The following SGTA variants were observed in gnomAD, a reference collection of about 807,000 sequenced individuals.
SGTA encodes small glutamine-rich tetratricopeptide repeat-containing protein alpha.
SGTA carries 22 observed loss-of-function variants against 44.3 expected under a neutral mutation model. The observed-to-expected ratio is 0.50, with a 90% CI of 0.36 to 0.71. The LOEUF is 0.71. SGTA is among the 30% of genes least tolerant of loss of function. The pLI is 0.00. For synonymous variants in SGTA, 174 were observed against 177.6 expected, an observed-to-expected ratio of 0.98 and a Z score of 0.16; for missense variants, 341 against 435.9, an observed-to-expected ratio of 0.78 and a Z score of 1.94.
Position 2,761,499 on chromosome 19 carries a change from G to A in SGTA, c.660C>T (p.Asp220=), listed in dbSNP as rs1394792567. 37 of 1,551,560 alleles carry A rather than the reference G, an allele frequency of 2.4e-5. No individual in the cohort carries two copies. Among genetic ancestry groups the A allele is most frequent in the Non-Finnish European group, 3.1e-5 (35 of 1,146,916 alleles). ...PSPTGGVGSF[D]IAGLLNNPGF... ...CAGGGTTGTTCAGCAGGCCGGCGAT[G>A]TCGAAGCTGCCCACGCCTCCCGTCT... The change falls in exon 8 of 12, where the codon GAC becomes GAT. Residue 220 remains aspartate (D), a synonymous_variant. Transcript: ENST00000221566. This position sits in a 1 kb window ranked among gnomAD's most constrained non-coding sequence, Gnocchi z 5.7.
intron 7 of SGTA, among the ~76,000 whole-genome samples, chr19:2,762,063 AAACT>A (rs1027446082): frequency 2.6e-5 from 4 of 152,190 alleles, no homozygotes; most frequent in South Asian, 2.1e-4. Context: ...AAATACAAAC[AAACT>A]AACCCAGAAC....
intron 4 of SGTA, among the ~76,000 whole-genome samples, chr19:2,766,472 G>A (rs960715929): frequency 8.0e-5 from 12 of 150,154 alleles, no homozygotes; most frequent in Non-Finnish European, 4.4e-5. Context: ...CACTCTTATC[G>A]CCCAGGCTGG....
rs1344051866 is a variant in SGTA, at chr19:2,761,004, C to T, written c.699+456G>A. ...CCGTCCCTTTGGAAGCATGAGTGCC[C>T]GGGCATCGGGAGGTCCACCTGCGCC... is the stretch of plus-strand genomic sequence containing the variant. On this transcript the variant is annotated intron_variant, in intron 8 of 11. Coordinates refer to ENST00000221566, the MANE Select transcript of SGTA (RefSeq NM_003021.4). This position sits in a 1 kb window ranked among gnomAD's most constrained non-coding sequence, Gnocchi z 5.7. 1.3e-5 allele frequency among the ~76,000 whole-genome samples: 2 copies of T among 152,222 alleles called. No homozygotes were observed. Among genetic ancestry groups the T allele is most frequent in the East Asian group, 1.9e-4 (1 of 5,196 alleles).
At position 2,765,046 on chromosome 19, in the gene SGTA, GCTCCTGGTCTGAGA is replaced by G. The variant is rs1555712624; in HGVS notation, c.392+126_392+139del. On this transcript the variant is annotated intron_variant, in intron 5 of 11. Transcript: ENST00000221566. This position sits in a 1 kb window ranked among gnomAD's most constrained non-coding sequence, Gnocchi z 5.5. ...CCCCGTTGCTGGTCACCTGATGCTC[GCTCCTGGTCTGAGA>G]CCACCGGTGAATGGATCCCTCATCT... 2 of 628,168 alleles carry G rather than the reference GCTCCTGGTCTGAGA, an allele frequency of 3.2e-6. No homozygotes were observed. Among genetic ancestry groups the G allele is most frequent in the Non-Finnish European group, 5.7e-6 (2 of 352,460 alleles). The allele number at this position is 628,168 out of a possible 1,614,324, so 38.9% of individuals were successfully genotyped here.
chr19:2,765,832 A>G lies in SGTA; in HGVS notation c.293-547T>C, dbSNP rs886631923. Among the ~76,000 whole-genome samples the G allele has an allele frequency of 3.3e-5, 5 of 151,698 alleles. No individual in the cohort carries two copies. The highest frequency in any genetic ancestry group is 1.2e-4 in the African/African-American group (5 of 41,156). On this transcript the variant is annotated intron_variant, in intron 4 of 11. Coordinates refer to ENST00000221566, the MANE Select transcript of SGTA (RefSeq NM_003021.4). This position sits in a 1 kb window ranked among gnomAD's most constrained non-coding sequence, Gnocchi z 5.5. Reference sequence around the variant, plus strand: ...ACCCACTCCCGCCCCCGAGATCCCAATTCAGGAGGGCGTGGGGGGAAGATG... The same window carrying G: ...ACCCACTCCCGCCCCCGAGATCCCAGTTCAGGAGGGCGTGGGGGGAAGATG...
chr19:2,757,283 C>CA, intron 11 of SGTA, 54 bp downstream of exon 11: 1 of 1,579,440 alleles, frequency 6.3e-7, no homozygotes, highest in South Asian at 1.1e-5. Context: ...GCCAGGCACT[C>CA]ACGTGGTGTC....
At position 2,767,084 on chromosome 19, in the gene SGTA, C is replaced by G. The variant is rs1424057144; in HGVS notation, c.292+52G>C. The stretch of plus-strand genomic sequence containing the variant: ...CTGGCCTCTGCGAGGGTCCCACAGC[C>G]CCGGAGTCCAGGTAGGGCGAGGTGT... On this transcript the variant is annotated intron_variant, in intron 4 of 11. Coordinates refer to ENST00000221566, the MANE Select transcript of SGTA (RefSeq NM_003021.4). This position sits in a 1 kb window ranked among gnomAD's most constrained non-coding sequence, Gnocchi z 7.3. The G allele has an allele frequency of 5.1e-6, 7 of 1,383,802 alleles. No homozygotes were observed. The highest frequency in any genetic ancestry group is 6.1e-6 in the Non-Finnish European group (6 of 987,832). The allele number at this position is 1,383,802 out of a possible 1,614,324, so 85.7% of individuals were successfully genotyped here. A position where few individuals can be genotyped will look rare whatever the true frequency, so the allele number is the denominator to read the frequency against.
In SGTA at chr19:2,757,488, G is replaced by A. The variant is rs373615523; in HGVS notation, c.828-31C>T. 4 of 1,600,442 alleles carry A rather than the reference G, an allele frequency of 2.5e-6. No homozygotes were observed. In the African/African-American group the frequency reaches 5.3e-5, roughly 21 times the overall value. The stretch of plus-strand genomic sequence containing the variant: ...GGGAAGGGCACATGGGGCTCAGCCA[G>A]GGCCAGGAGGCTGCCTGCTGCCTCC... On this transcript the variant is annotated intron_variant, in intron 10 of 11. Transcript: ENST00000221566.
chr19:2,765,595 A>T lies in SGTA; in HGVS notation c.293-310T>A, dbSNP rs559513266. Among the ~76,000 whole-genome samples the T allele has an allele frequency of 6.6e-6, 1 of 152,062 alleles. No homozygotes were observed. Among genetic ancestry groups the T allele is most frequent in the Admixed American group, 6.5e-5 (1 of 15,284 alleles). ...TGGATGGCGACCCCGGGAGCAGAAC[A>T]GTTAATACAGCTCACCGGCCCGGGG... is the stretch of plus-strand genomic sequence containing the variant. On this transcript the variant is annotated intron_variant, in intron 4 of 11. Transcript: ENST00000221566. The surrounding 1 kb of genome is among the most constrained non-coding windows in gnomAD (Gnocchi z 5.5).
intron 9 of SGTA, among the ~76,000 whole-genome samples, chr19:2,758,974 A>C (rs530323032): frequency 4.6e-5 from 7 of 151,604 alleles, no homozygotes; most frequent in African/African-American, 1.5e-4. Flanking sequence ...TTGTCAGGGG[A>C]TAGGAGAGGG....
In SGTA at chr19:2,761,473, CCA is replaced by C; in HGVS notation, c.684_685del (p.Gly229LeufsTer145). 1 of 1,551,636 alleles carries C rather than the reference CCA, an allele frequency of 6.4e-7. No individual in the cohort carries two copies. The highest frequency in any genetic ancestry group is 8.7e-7 in the Non-Finnish European group (1 of 1,146,946). On this transcript the variant is annotated frameshift_variant, in exon 8 of 12. Transcript: ENST00000221566. LOFTEE classifies it high-confidence loss of function. The surrounding 1 kb of genome is among the most constrained non-coding windows in gnomAD (Gnocchi z 5.7). ...GCGGGCCGTTACCATGCTCATGAAG[CCA>C]GGGTTGTTCAGCAGGCCGGCGATGT...
chr19:2,774,547 C>T (rs956044336), intron 1 of SGTA, among the ~76,000 whole-genome samples: 3 of 152,164 alleles, frequency 2.0e-5, no homozygotes, highest in Non-Finnish European at 4.4e-5. Context: ...AACACCCGTG[C>T]ACGCGTACAC....
In SGTA at chr19:2,755,729, G is replaced by C; in HGVS notation, c.*211C>G. 1.0e-6 allele frequency: 1 copy of C among 985,484 alleles called. No homozygotes were observed. The highest frequency in any genetic ancestry group is 1.2e-6 in the Non-Finnish European group (1 of 829,978). The allele number at this position is 985,484 out of a possible 1,614,324, so 61.0% of individuals were successfully genotyped here. On this transcript the variant is annotated 3_prime_UTR_variant, in exon 12 of 12. Transcript: ENST00000221566. This position sits in a 1 kb window ranked among gnomAD's most constrained non-coding sequence, Gnocchi z 5.2. Reference sequence around the variant, plus strand: ...GTCTGTGCTCAGCTTGCTGGCTCTCGTTTCAAGAAGGGTCTGGGGGCTGTA... The same window carrying C: ...GTCTGTGCTCAGCTTGCTGGCTCTCCTTTCAAGAAGGGTCTGGGGGCTGTA...
intron 8 of SGTA, among the ~76,000 whole-genome samples, chr19:2,760,283 C>T (rs932929660): frequency 1.3e-5 from 2 of 151,860 alleles, no homozygotes; most frequent in Admixed American, 6.6e-5. Context: ...CTTTGGGGGG[C>T]CGAGGCGGGT....
intron 4 of SGTA, among the ~76,000 whole-genome samples, chr19:2,766,259 TTG>T (rs749606052): frequency 1.3e-4 from 19 of 151,924 alleles, no homozygotes; most frequent in Non-Finnish European, 2.2e-4. Flanking sequence ...GTGCGTCCTT[TTG>T]TGTCTGGCCT....
In SGTA at chr19:2,763,261, G is replaced by A. The variant is rs931824799; in HGVS notation, c.497+392C>T. ...GAGGGCGGCACCGGCTGCACGGGGC[G>A]CAGGCTCCTGCCCCGGGGACCCTCC... On this transcript the variant is annotated intron_variant, in intron 6 of 11. Transcript: ENST00000221566. This position sits in a 1 kb window ranked among gnomAD's most constrained non-coding sequence, Gnocchi z 5.8. Among the ~76,000 whole-genome samples the A allele has an allele frequency of 5.9e-5, 9 of 152,212 alleles. No individual in the cohort carries two copies. The highest frequency in any genetic ancestry group is 5.9e-4 in the Admixed American group (9 of 15,286).
rs193036335 is a variant in SGTA, at chr19:2,755,311, G to C, written c.*629C>G. ...AACTGGAGAAAAGTCACAGAAACTG[G>C]TCCTATGCACCCAGGACGGCTCCTG... On this transcript the variant is annotated 3_prime_UTR_variant, in exon 12 of 12. Transcript: ENST00000221566. The surrounding 1 kb of genome is among the most constrained non-coding windows in gnomAD (Gnocchi z 5.2). 3.0e-6 allele frequency: 2 copies of C among 664,900 alleles called. No homozygotes were observed. Among genetic ancestry groups the C allele is most frequent in the East Asian group, 2.7e-4 (2 of 7,378 alleles). The allele number at this position is 664,900 out of a possible 1,614,324, so 41.2% of individuals were successfully genotyped here.
chr19:2,760,530 A>C (rs1249792029), intron 8 of SGTA, among the ~76,000 whole-genome samples: 3 of 151,422 alleles, frequency 2.0e-5, no homozygotes, highest in East Asian at 1.9e-4. Flanking sequence ...AAAAAAAAAA[A>C]AAAAAAAAAA....
At position 2,757,620 on chromosome 19, in the gene SGTA, C is replaced by T. The variant is rs1914861480; in HGVS notation, c.827+73G>A. Reference sequence around the variant, plus strand: ...GCAGGGGACGCAGCACTTTCGCTCTCCTCCTTCCCTTCCGCCTGCGAGCCC... The same window carrying T: ...GCAGGGGACGCAGCACTTTCGCTCTTCTCCTTCCCTTCCGCCTGCGAGCCC... On this transcript the variant is annotated intron_variant, in intron 10 of 11. Transcript: ENST00000221566. 4.1e-6 allele frequency: 6 copies of T among 1,452,584 alleles called. No homozygotes were observed. The Admixed American group carries it at 1.1e-4, about 28-fold the overall frequency. 90.0% of individuals were successfully genotyped at this position (1,452,584 alleles called of 1,614,324 possible). A position where few individuals can be genotyped will look rare whatever the true frequency, so the allele number is the denominator to read the frequency against.
Sources: gnomAD v4.1 joint callset for allele counts (sites outside exome capture counted in the v4.1 genomes callset) on GRCh38, gnomAD v4.1.1 for gene constraint, Gnocchi (gnomAD v3.1) non-coding constraint, MANE v1.5 for transcripts, NCBI Gene and HGNC (gene_info 2026-07-23, HGNC 2026-07-21) for gene names.